Variants in LMLN observed in about 807,000 individuals in gnomAD.
LMLN encodes leishmanolysin-like peptidase.
In LMLN, 70 loss-of-function variants were observed where a neutral mutation model predicts 92.3. The ratio of observed to expected loss-of-function variants is 0.76; its 90% CI spans 0.63 to 0.92. The LOEUF is 0.92. LMLN is among the 40% of genes least tolerant of loss of function. LMLN has a pLI of 0.00. For missense variants in LMLN, 691 were observed against 814.6 expected, an observed-to-expected ratio of 0.85 and a Z score of 1.85; for synonymous variants, 308 against 296.2, an observed-to-expected ratio of 1.04 and a Z score of -0.41.
At chr3:197,986,654 T>C (rs1235334795) in intron 8 of LMLN, among the ~76,000 whole-genome samples, 3 of 152,160 alleles carry the variant, frequency 2.0e-5, no homozygotes, top group South Asian at 4.1e-4. Context: ...TCACTACTTA[T>C]GTGTAAACGT....
chr3:198,032,158 CA>C (rs1352125949), intron 14 of LMLN, among the ~76,000 whole-genome samples: 1 of 151,610 alleles, frequency 6.6e-6, no homozygotes, highest in Non-Finnish European at 1.5e-5. Context: ...AAGCTCTGAG[CA>C]CACACATAGG....
intron 11 of LMLN, 177 bp downstream of exon 11, chr3:197,999,519 AT>A: frequency 1.7e-6 from 1 of 594,120 alleles, no homozygotes; most frequent in Non-Finnish European, 3.0e-6. Context: ...TCATTCGTTC[AT>A]TCAATAAATA....
chr3:197,983,955 A>T (rs757550967), exon 7 of LMLN: 2 of 1,608,560 alleles, frequency 1.2e-6, no homozygotes, highest in Admixed American at 1.7e-5. Flanking sequence ...CAATAGCAGG[A>T]TATGCTAACC....
intron 1 of LMLN, among the ~76,000 whole-genome samples, chr3:197,967,796 A>C (rs1400577427): frequency 6.6e-6 from 1 of 152,146 alleles, no homozygotes; most frequent in Non-Finnish European, 1.5e-5. Flanking sequence ...ACACTTCCAG[A>C]GTGGCCATTT....
chr3:198,038,329 G>T, intron 15 of LMLN: 1 of 419,300 alleles, frequency 2.4e-6, no homozygotes, highest in Non-Finnish European at 4.3e-6. Context: ...AATTTTTTTT[G>T]GATACCATTT....
intron 12 of LMLN, among the ~76,000 whole-genome samples, chr3:198,020,939 A>G (rs913286524): frequency 3.3e-5 from 5 of 151,810 alleles, no homozygotes; most frequent in African/African-American, 7.3e-5. Flanking sequence ...TTAATTTTAA[A>G]AAAAAGGAAC....
chr3:197,980,574 G>A lies in LMLN; in HGVS notation c.728+70G>A, dbSNP rs1309633954. 4 of 1,432,364 alleles carry A rather than the reference G, an allele frequency of 2.8e-6. No homozygotes were observed. The African/African-American group carries it at 5.7e-5, about 20-fold the overall frequency. 88.7% of individuals were successfully genotyped at this position (1,432,364 alleles called of 1,614,324 possible). ...ACTCTTAAAGCAAACTGTATTTTTA[G>A]TGTTAAGATTACAGGAATCTTGCAT... On this transcript the variant is annotated intron_variant, in intron 6 of 15. Transcript: ENST00000330198.
At chr3:197,979,366 A>T (rs543719736) in intron 5 of LMLN, among the ~76,000 whole-genome samples, 214 of 152,310 alleles carry the variant, frequency 1.4e-3, no homozygotes, top group African/African-American at 5.1e-3. Flanking sequence ...AAAAGTGACC[A>T]TTACAGAGGC....
chr3:197,974,887 A>G (rs1433861513), intron 2 of LMLN, among the ~76,000 whole-genome samples, 155 bp from the exon 3 acceptor site: 1 of 152,248 alleles, frequency 6.6e-6, no homozygotes, highest in Non-Finnish European at 1.5e-5. Flanking sequence ...AAGTGAAAGC[A>G]AGGTTATTAG....
chr3:197,977,527 G>A (rs1048591195), intron 5 of LMLN, among the ~76,000 whole-genome samples: 7 of 151,814 alleles, frequency 4.6e-5, no homozygotes, highest in African/African-American at 1.7e-4. Flanking sequence ...GTATACACAC[G>A]TTAAATCTGG....
intron 14 of LMLN, among the ~76,000 whole-genome samples, chr3:198,028,442 A>G (rs1018274031): frequency 2.0e-5 from 3 of 152,254 alleles, no homozygotes; most frequent in Admixed American, 6.5e-5. Context: ...TGAGACTAAC[A>G]TAAATAAGAA....
chr3:198,024,817 C>T (rs1722882720), intron 14 of LMLN, 29 bp downstream of exon 15: 2 of 1,559,938 alleles, frequency 1.3e-6, no homozygotes, highest in Admixed American at 2.1e-5. Context: ...TTAGTTGTGC[C>T]AAATATTATG....
intron 1 of LMLN, among the ~76,000 whole-genome samples, chr3:197,974,165 A>G (rs957219052): frequency 6.6e-6 from 1 of 152,244 alleles, no homozygotes; most frequent in African/African-American, 2.4e-5. Context: ...TGATTTAGTC[A>G]TGTGACTTGA....
intron 6 of LMLN, among the ~76,000 whole-genome samples, chr3:197,982,359 G>A (rs1581141753): frequency 6.6e-6 from 1 of 150,862 alleles, no homozygotes; most frequent in Non-Finnish European, 1.5e-5. Flanking sequence ...CTGAGTAGCG[G>A]CGACTACAGG....
chr3:198,007,891 G>A (rs1466646772), intron 11 of LMLN, among the ~76,000 whole-genome samples: 1 of 152,128 alleles, frequency 6.6e-6, no homozygotes, highest in Non-Finnish European at 1.5e-5. Flanking sequence ...TCTTTATCAA[G>A]TTGAGAAAGT....
At chr3:198,015,772 TCTTTTGTTTCTTTA>T (rs541464374) in intron 11 of LMLN, among the ~76,000 whole-genome samples, 36 of 152,152 alleles carry the variant, frequency 2.4e-4, no homozygotes, top group African/African-American at 8.0e-4. Flanking sequence ...TTCAGAGTCT[TCTTTTGTTTCTTTA>T]ATTTACAGTG....
At position 198,021,546 on chromosome 3, in the gene LMLN, G is replaced by A. The variant is rs1036031259; in HGVS notation, c.1466G>A (p.Trp489Ter). 2 of 1,614,012 alleles carry A rather than the reference G, an allele frequency of 1.2e-6. No individual in the cohort carries two copies. Among genetic ancestry groups the A allele is most frequent in the Non-Finnish European group, 1.7e-6 (2 of 1,180,000 alleles). Reference sequence around the variant, plus strand: ...TGCCCTTTCAGTCAGGAATTCAGTTGGCATTTAAGTGGTGAATATCAGCGC... The same window carrying A: ...TGCCCTTTCAGTCAGGAATTCAGTTAGCATTTAAGTGGTGAATATCAGCGC... Residue 489 changes from tryptophan to a stop codon, truncating the protein, a stop_gained, in exon 13 of 16, where the codon TGG becomes TAG. Transcript: ENST00000330198. LOFTEE classifies it high-confidence loss of function.
At chr3:197,995,042 C>T (rs1328128775) in intron 9 of LMLN, among the ~76,000 whole-genome samples, 1 of 152,196 alleles carries the variant, frequency 6.6e-6, no homozygotes, top group African/African-American at 2.4e-5. Flanking sequence ...CTCAGGTCCA[C>T]TTATTTGTGG....
exon 10 of LMLN, chr3:197,996,185 G>A (rs953993488): frequency 7.0e-6 from 11 of 1,561,004 alleles, no homozygotes; most frequent in Middle Eastern, 1.7e-4. Flanking sequence ...GAGGAAGCAC[G>A]AAAACATTTT....
Sources: allele counts gnomAD v4.1 joint callset (sites outside exome capture counted in the v4.1 genomes callset), GRCh38; gene constraint gnomAD v4.1.1; transcripts MANE v1.5; gene names NCBI Gene and HGNC (gene_info 2026-07-23, HGNC 2026-07-21).